CYB5R4: variants seen among roughly 807,000 people sequenced by gnomAD.
CYB5R4 encodes cytochrome b5 reductase 4, also known as N-terminal cytochrome b5 and cytochrome b5 oxidoreductase domain-containing protein.
Under a neutral mutation model 70.2 loss-of-function variants are expected in CYB5R4, and 55 were observed. That is an observed-to-expected ratio of 0.78 (90% confidence interval 0.63 to 0.98). The LOEUF (loss-of-function observed/expected upper bound fraction) is 0.98, where lower values mean the gene tolerates loss of function less well. CYB5R4 is among the 50% of genes least tolerant of loss of function. CYB5R4 has a pLI of 0.00. For synonymous variants in CYB5R4, 197 were observed against 199.5 expected (o/e 0.99, Z 0.11); for missense variants, 562 against 612.6 (o/e 0.92, Z 0.87).
Position 83,961,349 on chromosome 6 carries a change from T to C in CYB5R4, c.*1471T>C, listed in dbSNP as rs1174224052. The C allele has an allele frequency of 3.9e-5, 6 of 152,048 alleles. No individual in the cohort carries two copies. Among genetic ancestry groups the C allele is most frequent in the Non-Finnish European group, 4.4e-5 (3 of 68,020 alleles). 9.4% of individuals were successfully genotyped at this position (152,048 alleles called of 1,614,324 possible). ...TTTTCCATCTAAGGGTGAGGTGATT[T>C]GGCTCTGTGTCCTCACCCAAATCTC... is the stretch of plus-strand genomic sequence containing the variant. On this transcript the variant is annotated 3_prime_UTR_variant, in exon 16 of 16. Transcript: ENST00000369681.
intron 2 of CYB5R4, among the ~76,000 whole-genome samples, chr6:83,866,657 C>T (rs1045561516): frequency 4.0e-5 from 6 of 151,892 alleles, no homozygotes; most frequent in African/African-American, 1.5e-4. Flanking sequence ...GCTTTGTCCC[C>T]TAGGCTGGAG....
chr6:83,867,566 G>A (rs1434989743), intron 2 of CYB5R4, among the ~76,000 whole-genome samples: 2 of 152,228 alleles, frequency 1.3e-5, no homozygotes, highest in African/African-American at 4.8e-5. Flanking sequence ...CAGAAGTTCG[G>A]ATGATAACAG....
intron 14 of CYB5R4, among the ~76,000 whole-genome samples, chr6:83,948,010 C>A (rs1401549208): frequency 1.3e-5 from 2 of 152,146 alleles, no homozygotes; most frequent in Non-Finnish European, 2.9e-5. Flanking sequence ...CCCAGCAATC[C>A]CATTACTGGG....
chr6:83,912,598 A>T (rs1394636195), intron 4 of CYB5R4, among the ~76,000 whole-genome samples: 1 of 152,242 alleles, frequency 6.6e-6, no homozygotes, highest in Non-Finnish European at 1.5e-5. Context: ...AAGCAGTTTA[A>T]CCAGCATTAT....
chr6:83,862,986 A>T (rs567443834), intron 1 of CYB5R4, among the ~76,000 whole-genome samples: 1 of 152,328 alleles, frequency 6.6e-6, no homozygotes, highest in South Asian at 2.1e-4. Context: ...GGAAAGTGAG[A>T]TATGTAAACA....
chr6:83,896,591 A>G (rs2099461944), intron 3 of CYB5R4, among the ~76,000 whole-genome samples: 1 of 152,188 alleles, frequency 6.6e-6, no homozygotes, highest in Non-Finnish European at 1.5e-5. Flanking sequence ...TGCTAGTGAC[A>G]TAATTTCATT....
chr6:83,962,726 A>G lies in CYB5R4; in HGVS notation c.*2848A>G, dbSNP rs1265995872. The G allele has an allele frequency of 6.6e-6, 1 of 152,200 alleles. No homozygotes were observed. Among genetic ancestry groups the G allele is most frequent in the Non-Finnish European group, 1.5e-5 (1 of 68,046 alleles). 9.4% of individuals were successfully genotyped at this position (152,200 alleles called of 1,614,324 possible). ...GAAGTCCCTAGATAAGAGTTCTTTC[A>G]GCCTCATTAGGTAGATTTCAGTTCC... On this transcript the variant is annotated 3_prime_UTR_variant, in exon 16 of 16. Coordinates refer to ENST00000369681, the MANE Select transcript of CYB5R4 (RefSeq NM_016230.4).
chr6:83,928,439 A>G (rs1463945289), intron 10 of CYB5R4, among the ~76,000 whole-genome samples: 9 of 152,202 alleles, frequency 5.9e-5, no homozygotes. Flanking sequence ...TTGGTCTTGA[A>G]TGACTGCCTC....
At chr6:83,921,491 G>A (rs2099466364) in intron 8 of CYB5R4, among the ~76,000 whole-genome samples, 1 of 152,192 alleles carries the variant, frequency 6.6e-6, no homozygotes, top group African/African-American at 2.4e-5. Context: ...TTGGTCACAT[G>A]TCTTACTGAC....
intron 9 of CYB5R4, among the ~76,000 whole-genome samples, chr6:83,923,256 G>A (rs1562840334): frequency 2.0e-5 from 3 of 152,176 alleles, no homozygotes; most frequent in East Asian, 3.9e-4. Flanking sequence ...AATAATAGAA[G>A]ACTCATCATA....
intron 14 of CYB5R4, 44 bp downstream of exon 14, chr6:83,940,645 G>GGTA: frequency 1.9e-6 from 3 of 1,564,388 alleles, no homozygotes; most frequent in Non-Finnish European, 2.6e-6. Context: ...TTTATACCTG[G>GGTA]GTAGTAAGTC....
intron 2 of CYB5R4, among the ~76,000 whole-genome samples, chr6:83,888,068 T>G (rs1323295050): frequency 6.6e-6 from 1 of 152,214 alleles, no homozygotes; most frequent in Non-Finnish European, 1.5e-5. Flanking sequence ...TTATATCTGC[T>G]GGCCCATAAT....
At chr6:83,905,024 C>CTT (rs202176488) in intron 3 of CYB5R4, among the ~76,000 whole-genome samples, 2 of 146,310 alleles carry the variant, frequency 1.4e-5, no homozygotes, top group African/African-American at 5.0e-5. Context: ...CACTTCTTTC[C>CTT]TTTTTTTTTT....
chr6:83,928,691 T>C (rs2099467698), intron 10 of CYB5R4, among the ~76,000 whole-genome samples: 2 of 152,144 alleles, frequency 1.3e-5, no homozygotes, highest in African/African-American at 4.8e-5. Flanking sequence ...AGAGAAATGA[T>C]AGTGTGATAT....
At chr6:83,944,915 C>T (rs2099470328) in intron 14 of CYB5R4, among the ~76,000 whole-genome samples, 1 of 152,092 alleles carries the variant, frequency 6.6e-6, no homozygotes, top group Admixed American at 6.6e-5. Context: ...ACAGGAGCAC[C>T]CAGATTCATA....
chr6:83,900,714 T>G (rs968752260), intron 3 of CYB5R4, among the ~76,000 whole-genome samples: 7 of 152,212 alleles, frequency 4.6e-5, no homozygotes, highest in African/African-American at 1.7e-4. Context: ...CCCTTTACCA[T>G]TATGTAATGG....
intron 14 of CYB5R4, among the ~76,000 whole-genome samples, chr6:83,950,595 AG>A (rs1309112355): frequency 2.0e-5 from 3 of 152,296 alleles, no homozygotes; most frequent in African/African-American, 7.2e-5. Context: ...TAAATATAAC[AG>A]GTATTTTCCT....
At chr6:83,927,346 G>T (rs533053997) in intron 10 of CYB5R4, among the ~76,000 whole-genome samples, 1 of 152,256 alleles carries the variant, frequency 6.6e-6, no homozygotes, top group South Asian at 2.1e-4. Context: ...TTTAACTCAA[G>T]TCTGATACAT....
At chr6:83,890,256 A>G (rs948129826) in intron 2 of CYB5R4, among the ~76,000 whole-genome samples, 1 of 152,202 alleles carries the variant, frequency 6.6e-6, no homozygotes, top group African/African-American at 2.4e-5. Flanking sequence ...TTATGAGGAG[A>G]GAACAAAGTA....
Sources: allele counts gnomAD v4.1 joint callset (sites outside exome capture counted in the v4.1 genomes callset), GRCh38; gene constraint gnomAD v4.1.1; transcripts MANE v1.5; gene names NCBI Gene and HGNC (gene_info 2026-07-23, HGNC 2026-07-21).